Variants in TNIP1 observed in about 807,000 individuals in gnomAD.
TNIP1 encodes the protein TNFAIP3-interacting protein 1.
Under a neutral mutation model 86.6 loss-of-function variants are expected in TNIP1, and 22 were observed. The ratio of observed to expected loss-of-function variants is 0.25; its 90% CI spans 0.18 to 0.36. TNIP1 has a LOEUF of 0.36. Among genes scored for constraint, TNIP1 ranks in the 10% least tolerant of loss-of-function variants. TNIP1 has a pLI of 1.00. For missense variants in TNIP1, 709 were observed against 820.6 expected (o/e 0.86, Z 1.66); for synonymous variants, 294 against 313.0 (o/e 0.94, Z 0.64).
chr5:151,075,107 T>A (rs1763232997), intron 1 of TNIP1, among the ~76,000 whole-genome samples: 1 of 152,034 alleles, frequency 6.6e-6, no homozygotes, highest in Admixed American at 6.6e-5. Context: ...AAAAAAATAC[T>A]ATGTATTATT....
rs1170738080 is a variant in TNIP1, at chr5:151,032,443, A to C, written c.1780-60T>G. ...ACACCCAAAAATTACAATAGCACCT[A>C]CTGTGCCAGGACAATACTAAATCTG... is the stretch of plus-strand genomic sequence containing the variant. On this transcript the variant is annotated intron_variant, in intron 16 of 17. Transcript: ENST00000521591. The C allele has an allele frequency of 2.7e-6, 4 of 1,502,486 alleles. No individual in the cohort carries two copies. In the East Asian group the frequency reaches 6.9e-5, roughly 26 times the overall value. 93.1% of individuals were successfully genotyped at this position (1,502,486 alleles called of 1,614,324 possible).
chr5:151,050,931 C>T lies in TNIP1; in HGVS notation c.723-984G>A, dbSNP rs1403781928. On this transcript the variant is annotated intron_variant, in intron 7 of 17. Coordinates refer to ENST00000521591, the MANE Select transcript of TNIP1 (RefSeq NM_006058.5). ...ACTCAAAGCAATCCTCCCGCCTTAA[C>T]GTCCCAAAGTGCTGGGATTACAGGT... 2.6e-5 allele frequency among the ~76,000 whole-genome samples: 4 copies of T among 152,320 alleles called. No homozygotes were observed. The South Asian group carries it at 6.2e-4, about 24-fold the overall frequency.
At chr5:151,057,790 G>C (rs570369808) in intron 5 of TNIP1, among the ~76,000 whole-genome samples, 2 of 152,266 alleles carry the variant, frequency 1.3e-5, no homozygotes, top group Admixed American at 1.3e-4. Flanking sequence ...AAACAATACA[G>C]TATACCAAAA....
intron 1 of TNIP1, among the ~76,000 whole-genome samples, chr5:151,072,464 C>T (rs1319133873): frequency 6.6e-6 from 1 of 152,222 alleles, no homozygotes; most frequent in Non-Finnish European, 1.5e-5. Context: ...CCAGATCTCA[C>T]CAACTTCCTC....
rs751492571 is a variant in TNIP1, at chr5:151,033,566, C to A, written c.1779+42G>T. ...CCTCTCTGGAAGGTGTCTGGGGCAG[C>A]CTCTGTGTGTGCCCTGGAGCAAGGG... On this transcript the variant is annotated intron_variant, in intron 16 of 17. Transcript: ENST00000521591. 3.8e-6 allele frequency: 5 copies of A among 1,319,838 alleles called. No individual in the cohort carries two copies. In the African/African-American group the frequency reaches 7.5e-5, roughly 20 times the overall value. 81.8% of individuals were successfully genotyped at this position (1,319,838 alleles called of 1,614,324 possible).
chr5:151,076,401 A>T (rs1477450640), intron 1 of TNIP1, among the ~76,000 whole-genome samples: 1 of 152,222 alleles, frequency 6.6e-6, no homozygotes, highest in Non-Finnish European at 1.5e-5. Flanking sequence ...GCCCAGAGGG[A>T]AACCAGGAGC....
At chr5:151,055,812 A>G (rs1026821989) in intron 6 of TNIP1, among the ~76,000 whole-genome samples, 11 of 152,214 alleles carry the variant, frequency 7.2e-5, no homozygotes, top group African/African-American at 2.7e-4. Context: ...GGAGGCTTCA[A>G]GTCATGGCTC....
At chr5:151,059,872 C>T (rs199899285) in intron 5 of TNIP1, among the ~76,000 whole-genome samples, 22,471 of 89,626 alleles carry the variant, frequency 0.25, 2,186 homozygotes, top group East Asian at 0.42. Context: ...TGTGTGCGCG[C>T]GCGCGCGCGC....
intron 1 of TNIP1, among the ~76,000 whole-genome samples, chr5:151,065,457 T>A (rs1294737438): frequency 6.6e-6 from 1 of 152,168 alleles, no homozygotes; most frequent in Non-Finnish European, 1.5e-5. Flanking sequence ...GTTCATGTCC[T>A]GTCTGTGAGG....
chr5:151,081,997 GA>G (rs1433377738), upstream of TNIP1, among the ~76,000 whole-genome samples: 1 of 152,176 alleles, frequency 6.6e-6, no homozygotes, highest in Non-Finnish European at 1.5e-5. Context: ...ATAGCTTTAT[GA>G]AAAACCTATT....
chr5:151,033,802 G>A lies in TNIP1; in HGVS notation c.1588-3C>T. On this transcript the variant is annotated splice_region_variant and splice_polypyrimidine_tract_variant and intron_variant, in intron 15 of 17. Coordinates refer to ENST00000521591, the MANE Select transcript of TNIP1 (RefSeq NM_006058.5). ...ACATGGTAACGCTCTCCTGAGGCCT[G>A]CAAGAAAGGCTGACGTCTGGCTTTG... is the stretch of plus-strand genomic sequence containing the variant. 4 of 1,371,304 alleles carry A rather than the reference G, an allele frequency of 2.9e-6. No individual in the cohort carries two copies. The highest frequency in any genetic ancestry group is 3.8e-6 in the Non-Finnish European group (4 of 1,056,968). 84.9% of individuals were successfully genotyped at this position (1,371,304 alleles called of 1,614,324 possible). A position where few individuals can be genotyped will look rare whatever the true frequency, so the allele number is the denominator to read the frequency against.
At chr5:151,056,516 G>T (rs1760674209) in intron 6 of TNIP1, among the ~76,000 whole-genome samples, 1 of 152,192 alleles carries the variant, frequency 6.6e-6, no homozygotes, top group Admixed American at 6.5e-5. Context: ...AGGCAGGGCT[G>T]CTGGGGGTAT....
At chr5:151,065,168 A>T in intron 1 of TNIP1, 37 bp from the exon 2 acceptor site, 1 of 1,561,262 alleles carries the variant, frequency 6.4e-7, no homozygotes, top group Non-Finnish European at 8.7e-7. Context: ...CAGGCTGGCC[A>T]GGCCATGGGG....
intron 8 of TNIP1, among the ~76,000 whole-genome samples, chr5:151,049,416 A>G (rs1016357197): frequency 6.6e-6 from 1 of 152,164 alleles, no homozygotes; most frequent in Non-Finnish European, 1.5e-5. Flanking sequence ...GCAGAATCCA[A>G]GGGAGCTTGC....
At chr5:151,081,039 G>GGGGCCTGGCC (rs1249873195), upstream of TNIP1, 1 of 152,002 alleles carries the variant, frequency 6.6e-6, no homozygotes. Flanking sequence ...GGAAGTGCCG[G>GGGGCCTGGCC]GGGCCTGGCC....
At chr5:151,043,751 G>A (rs555746408) in intron 9 of TNIP1, among the ~76,000 whole-genome samples, 3 of 151,672 alleles carry the variant, frequency 2.0e-5, no homozygotes, top group Non-Finnish European at 4.4e-5. Flanking sequence ...CTCTAGCCTG[G>A]GCAACCAAAG....
rs1295191997 is a variant in TNIP1 at position 151,030,125 on chromosome 5, T to G, written c.*588A>C. ...CTCGGCGGACGTGGCTGGCATGGCCTTCTCCCATCTGTGATGGCTTCAGCA... is the reference window on the plus strand; with the variant it reads ...CTCGGCGGACGTGGCTGGCATGGCCGTCTCCCATCTGTGATGGCTTCAGCA... On this transcript the variant is annotated 3_prime_UTR_variant, in exon 18 of 18. Transcript: ENST00000521591. 1 of 456,890 alleles carries G rather than the reference T, an allele frequency of 2.2e-6. No homozygotes were observed. Among genetic ancestry groups the G allele is most frequent in the East Asian group, 6.9e-5 (1 of 14,518 alleles). The allele number at this position is 456,890 out of a possible 1,614,324, so 28.3% of individuals were successfully genotyped here.
At chr5:151,066,385 C>T (rs574292030) in intron 1 of TNIP1, among the ~76,000 whole-genome samples, 6 of 152,332 alleles carry the variant, frequency 3.9e-5, no homozygotes, top group African/African-American at 1.2e-4. Context: ...TCACTGGGGA[C>T]CTCAGAAGGG....
rs1358732713 is a variant in TNIP1, at chr5:151,052,239, C to A, written c.648G>T (p.Arg216=). 1 of 1,613,944 alleles carries A rather than the reference C, an allele frequency of 6.2e-7. No individual in the cohort carries two copies. Among genetic ancestry groups the A allele is most frequent in the African/African-American group, 1.3e-5 (1 of 74,916 alleles). The part of the protein sequence containing the change: ...SILQTLCEQL[R]KENEALKAKL... ...TGGCCTTCAGAGCCTCGTTCTCCTT[C>A]CGAAGCTGCTCACACAGGGTCTGTG... Residue 216 remains arginine (R), a synonymous_variant, in exon 7 of 18, where the codon CGG becomes CGT. Coordinates refer to ENST00000521591, the MANE Select transcript of TNIP1 (RefSeq NM_006058.5).
Sources: allele counts gnomAD v4.1 joint callset (sites outside exome capture counted in the v4.1 genomes callset), GRCh38; gene constraint gnomAD v4.1.1; transcripts MANE v1.5; gene names NCBI Gene and HGNC (gene_info 2026-07-23, HGNC 2026-07-21).